Variants in CSMD1 observed in about 807,000 individuals in gnomAD.
The protein encoded by CSMD1 is CUB and sushi domain-containing protein 1.
In CSMD1, 213 loss-of-function variants were observed where a neutral mutation model predicts 417.5. The observed-to-expected ratio is 0.51, with a 90% confidence interval of 0.46 to 0.57. The LOEUF (loss-of-function observed/expected upper bound fraction) is 0.57. CSMD1 is among the 20% of genes least tolerant of loss of function. The pLI, the probability that CSMD1 is intolerant of heterozygous loss-of-function variation, is 0.00. For missense variants in CSMD1, 6,923 were observed against 4,529.7 expected (o/e 1.53, Z -15.17); for synonymous variants, 2,862 against 1,736.8 (o/e 1.65, Z -16.11).
intron 65 of CSMD1, among the ~76,000 whole-genome samples, chr8:2,953,738 C>A (rs1802806590): frequency 6.6e-6 from 1 of 152,312 alleles, no homozygotes; most frequent in Non-Finnish European, 1.5e-5. Flanking sequence ...CAACAAAAAA[C>A]TATAATTAAC....
chr8:3,820,527 G>GT (rs1364070371), intron 5 of CSMD1, among the ~76,000 whole-genome samples: 1 of 152,130 alleles, frequency 6.6e-6, no homozygotes, highest in Non-Finnish European at 1.5e-5. Flanking sequence ...ATCTCCTATG[G>GT]TAACAATGCC....
chr8:4,361,682 G>T (rs781305116), intron 3 of CSMD1, among the ~76,000 whole-genome samples: 2 of 152,006 alleles, frequency 1.3e-5, no homozygotes, highest in African/African-American at 2.4e-5. Context: ...CAGGTGCGAC[G>T]GCTTGGCTCA....
intron 4 of CSMD1, among the ~76,000 whole-genome samples, chr8:4,010,317 T>C (rs572688100): frequency 1.3e-5 from 2 of 152,122 alleles, no homozygotes; most frequent in Non-Finnish European, 2.9e-5. Flanking sequence ...CTCTGCCTTG[T>C]AGTCATCTAC....
At position 4,464,204 on chromosome 8, in the gene CSMD1, A is replaced by T. The variant is rs150037352; in HGVS notation, c.303-44139T>A. On this transcript the variant is annotated intron_variant, in intron 2 of 69. Coordinates refer to ENST00000635120, the MANE Select transcript of CSMD1 (RefSeq NM_033225.6). Reference sequence around the variant, plus strand: ...CAGGACTCTAATTTAGCCTTCCAAGACCCAGTTTGGATTTCACTGCCTCTT... The same window carrying T: ...CAGGACTCTAATTTAGCCTTCCAAGTCCCAGTTTGGATTTCACTGCCTCTT... 3.5e-4 allele frequency among the ~76,000 whole-genome samples: 54 copies of T among 152,204 alleles called. No homozygotes were observed. The East Asian group carries it at 8.7e-3, about 25-fold the overall frequency.
chr8:4,153,589 G>C (rs983140472), intron 3 of CSMD1, among the ~76,000 whole-genome samples: 1 of 152,214 alleles, frequency 6.6e-6, no homozygotes, highest in Non-Finnish European at 1.5e-5. Context: ...TTCCGTCACA[G>C]GGTGCCCTGA....
rs138955887 is a variant in CSMD1 at position 4,442,188 on chromosome 8, C to G, written c.303-22123G>C. Among the ~76,000 whole-genome samples the G allele has an allele frequency of 3.8e-4, 58 of 152,280 alleles. 2 individuals carry two copies. The East Asian group carries it at 0.011, about 29-fold the overall frequency. On this transcript the variant is annotated intron_variant, in intron 2 of 69. Coordinates refer to ENST00000635120, the MANE Select transcript of CSMD1 (RefSeq NM_033225.6). ...CTTCAAATGCAGGCAAAGTGACAAT[C>G]TCCTGACAAATCTTTATAGCAGACA...
At chr8:3,431,066 G>A (rs1033509458) in intron 12 of CSMD1, among the ~76,000 whole-genome samples, 2 of 152,126 alleles carry the variant, frequency 1.3e-5, no homozygotes, top group Non-Finnish European at 2.9e-5. Flanking sequence ...GGGAAATGCA[G>A]TTTCCAGGCT....
intron 12 of CSMD1, among the ~76,000 whole-genome samples, chr8:3,451,290 C>A (rs774334577): frequency 5.9e-5 from 9 of 152,160 alleles, no homozygotes; most frequent in Non-Finnish European, 1.0e-4. Flanking sequence ...ATGGTAGTTT[C>A]TTTTGCTGCA....
chr8:4,055,914 A>C (rs536788744), intron 3 of CSMD1, among the ~76,000 whole-genome samples: 1 of 152,222 alleles, frequency 6.6e-6, no homozygotes, highest in African/African-American at 2.4e-5. Flanking sequence ...ATTAGTATTT[A>C]AGCTTTTAAA....
In CSMD1 at chr8:4,787,111, T is replaced by C. The variant is rs116397661; in HGVS notation, c.86-149553A>G. Among the ~76,000 whole-genome samples the C allele has an allele frequency of 6.2e-3, 950 of 152,316 alleles. 10 individuals carry two copies. The highest frequency in any genetic ancestry group is 0.021 in the African/African-American group (877 of 41,570). On this transcript the variant is annotated intron_variant, in intron 1 of 69. Transcript: ENST00000635120. ...TAGCAGGGTGATACTCGGCCTCCGCTGGCTCAACTTTTAGAGGGAAACTAT... is the reference window on the plus strand; with the variant it reads ...TAGCAGGGTGATACTCGGCCTCCGCCGGCTCAACTTTTAGAGGGAAACTAT...
chr8:3,306,736 CAA>C (rs1235640575), intron 25 of CSMD1, among the ~76,000 whole-genome samples: 34 of 152,236 alleles, frequency 2.2e-4, no homozygotes, highest in African/African-American at 7.9e-4. Context: ...TCATTTTAAA[CAA>C]GAACTAAAAA....
At chr8:4,456,059 CAAA>C (rs34519287) in intron 2 of CSMD1, among the ~76,000 whole-genome samples, 4,088 of 118,362 alleles carry the variant, frequency 0.035, 122 homozygotes, top group African/African-American at 0.076. Flanking sequence ...TATCATTGAC[CAAA>C]AAAAAAAAAA....
intron 4 of CSMD1, among the ~76,000 whole-genome samples, chr8:3,999,269 G>T (rs1815470595): frequency 6.6e-6 from 1 of 152,036 alleles, no homozygotes; most frequent in South Asian, 2.1e-4. Context: ...CTGTTACCAA[G>T]ATGGGGGGAG....
chr8:4,725,215 T>C (rs1254452793), intron 1 of CSMD1, among the ~76,000 whole-genome samples: 2 of 152,158 alleles, frequency 1.3e-5, no homozygotes, highest in Non-Finnish European at 2.9e-5. Flanking sequence ...TAAATTTAAG[T>C]CTTATTGCAA....
At chr8:3,478,805 A>T (rs1817572060) in intron 11 of CSMD1, among the ~76,000 whole-genome samples, 1 of 152,280 alleles carries the variant, frequency 6.6e-6, no homozygotes, top group African/African-American at 2.4e-5. Context: ...GCCTTGTCGA[A>T]GAAAAAATAT....
At chr8:3,117,110 G>T (rs535011122) in intron 42 of CSMD1, among the ~76,000 whole-genome samples, 1 of 151,722 alleles carries the variant, frequency 6.6e-6, no homozygotes, top group Non-Finnish European at 1.5e-5. Context: ...TCACTCTCTC[G>T]CCCAGGCTGG....
chr8:3,873,824 G>C (rs1313594155), intron 5 of CSMD1, among the ~76,000 whole-genome samples: 1 of 152,140 alleles, frequency 6.6e-6, no homozygotes, highest in Non-Finnish European at 1.5e-5. Context: ...ACATGGTCAC[G>C]GTGTTTGTAG....
rs7846124 is a variant in CSMD1, at chr8:4,647,486, T to C, written c.86-9928A>G. 3.6e-3 allele frequency among the ~76,000 whole-genome samples: 448 copies of C among 123,800 alleles called. 5 individuals carry two copies. Among genetic ancestry groups the C allele is most frequent in the African/African-American group, 0.014 (418 of 29,068 alleles). The allele number at this position is 123,800 out of a possible 152,430, so 81.2% of individuals were successfully genotyped here. On this transcript the variant is annotated intron_variant, in intron 1 of 69. Transcript: ENST00000635120. ...CTGCTACGTAGGTACGCGTGTGCCA[T>C]GGTGGTTTGTTACGTAGGTACGCGT...
Position 4,403,291 on chromosome 8 carries a change from C to CA in CSMD1, c.415+16661dup, listed in dbSNP as rs534929092. 2.2e-4 allele frequency among the ~76,000 whole-genome samples: 33 copies of CA among 152,336 alleles called. 1 individual carries two copies. The South Asian group carries it at 6.0e-3, about 28-fold the overall frequency. On this transcript the variant is annotated intron_variant, in intron 3 of 69. Coordinates refer to ENST00000635120, the MANE Select transcript of CSMD1 (RefSeq NM_033225.6). ...CAACAATGAACATAACTCTTCTCTT[C>CA]ATTCCCCCTTTCTACAACTATTCCA... is the stretch of plus-strand genomic sequence containing the variant.
Sources: allele counts gnomAD v4.1 joint callset (sites outside exome capture counted in the v4.1 genomes callset), GRCh38; gene constraint gnomAD v4.1.1; transcripts MANE v1.5; gene names NCBI Gene and HGNC (gene_info 2026-07-23, HGNC 2026-07-21).